PLEC: variants seen among roughly 807,000 people sequenced by gnomAD.
The protein encoded by PLEC is plectin, also known as hemidesmosomal protein 1.
In PLEC, 216 loss-of-function variants were observed where a neutral mutation model predicts 392.8. That is an observed-to-expected ratio of 0.55 (90% CI 0.49 to 0.62). The LOEUF (loss-of-function observed/expected upper bound fraction) is 0.62, where lower values mean the gene tolerates loss of function less well. PLEC is among the 20% of genes least tolerant of loss of function. PLEC has a pLI of 0.00. For synonymous variants in PLEC, 3,621 were observed against 2,980.6 expected (o/e 1.21, Z -7.00); for missense variants, 6,863 against 6,563.4 (o/e 1.05, Z -1.58).
Position 143,932,745 on chromosome 8 carries a change from G to C in PLEC, c.1738-33C>G, listed in dbSNP as rs1554718015. On this transcript the variant is annotated intron_variant, in intron 14 of 31. Coordinates refer to ENST00000345136, the MANE Select transcript of PLEC (RefSeq NM_201384.3). ...AGATGAGACGGTGAGGTCTGCAGTGGCTGGGCCCGGCCCACCCCCGCACTG... is the reference window on the plus strand; with the variant it reads ...AGATGAGACGGTGAGGTCTGCAGTGCCTGGGCCCGGCCCACCCCCGCACTG... 2.5e-6 allele frequency: 4 copies of C among 1,608,296 alleles called. No homozygotes were observed. In the East Asian group the frequency reaches 9.0e-5, roughly 36 times the overall value.
chr8:143,959,504 G>A (rs1383361751), intron 1 of PLEC, among the ~76,000 whole-genome samples: 21 of 152,352 alleles, frequency 1.4e-4, no homozygotes, highest in African/African-American at 4.3e-4. Context: ...CTAACCTGAC[G>A]CGGCCGCAGT....
rs782623935 is a variant in PLEC, at chr8:143,924,196, C to T, written c.5733G>A (p.Gly1911=). 16 of 1,598,986 alleles carry T rather than the reference C, an allele frequency of 1.0e-5. No individual in the cohort carries two copies. Among genetic ancestry groups the T allele is most frequent in the Non-Finnish European group, 1.4e-5 (16 of 1,179,558 alleles). ...GCTGCCTCAGCGTGTCCTCCACCAG[C>T]CCCTTCTGCCGCTCCAGCTCGCTGT... ...ASDSELERQK[G]LVEDTLRQRR... Residue 1911 remains glycine (G), a synonymous_variant, in exon 31 of 32, where the codon GGG becomes GGA. Transcript: ENST00000345136.
Position 143,921,927 on chromosome 8 carries a change from CA to C in PLEC, c.7893del (p.Asp2631GlufsTer34). 2 of 1,599,464 alleles carry C rather than the reference CA, an allele frequency of 1.3e-6. No individual in the cohort carries two copies. The highest frequency in any genetic ancestry group is 1.7e-6 in the Non-Finnish European group (2 of 1,179,800). On this transcript the variant is annotated frameshift_variant, in exon 32 of 32. Transcript: ENST00000345136. LOFTEE classifies it low-confidence loss of function (END_TRUNC). Reference sequence around the variant, plus strand: ...GCCTCTGCCGCGGGGCCATCAAGTGCATCCCGGCCATTGGGCAGGGTCTTTG... The same window carrying C: ...GCCTCTGCCGCGGGGCCATCAAGTGCTCCCGGCCATTGGGCAGGGTCTTTG... ...AATKTLPNGRDALDGPAAEAE... is the reference protein window; with the variant it reads ...AATKTLPNGRXALDGPAAEAE...
At chr8:143,958,550 C>A, upstream of PLEC, 1 of 390,334 alleles carries the variant, frequency 2.6e-6, no homozygotes, top group Non-Finnish European at 5.4e-6. This position sits in a 1 kb window ranked among gnomAD's most constrained non-coding sequence, Gnocchi z 4.9. Context: ...TGGCCACCAC[C>A]CTTTCACCTC....
In PLEC at chr8:143,924,759, G is replaced by A. The variant is rs2131422085; in HGVS notation, c.5170C>T (p.Gln1724Ter). The A allele has an allele frequency of 2.0e-6, 3 of 1,535,048 alleles. No individual in the cohort carries two copies. The highest frequency in any genetic ancestry group is 2.6e-6 in the Non-Finnish European group (3 of 1,146,380). The change falls in exon 31 of 32, where the codon CAG becomes TAG. Residue 1724 changes from glutamine to a stop codon, truncating the protein, a stop_gained. Transcript: ENST00000345136. LOFTEE classifies it high-confidence loss of function. ...AGCAGCTGCCGCTGCTGCTCCCCCT[G>A]CTCCGTCTCGGCCCGCAGCCGGATC... The part of the protein sequence containing the change: ...ELIRLRAETE[Q>*]GEQQRQLLEE...
rs201069314 is a variant in PLEC at position 143,917,346 on chromosome 8, G to A, written c.12475C>T (p.Arg4159Cys). 2.8e-4 allele frequency: 454 copies of A among 1,609,890 alleles called. 1 individual carries two copies. The highest frequency in any genetic ancestry group is 1.4e-3 in the Admixed American group (83 of 60,000). Residue 4159 changes from arginine to cysteine, a missense_variant, in exon 32 of 32, where the codon CGC becomes TGC. By Grantham distance (180) the Arg-to-Cys change is radical. Transcript: ENST00000345136. ...GTCTGGTGGTCAATCAGGCCCTTGC[G>A]GTAGGCCTCGTACACTGACATCTCC... ...GKEMSVYEAY[R>C]KGLIDHQTYL...
Position 143,939,367 on chromosome 8 carries a change from G to T in PLEC, c.95C>A (p.Ala32Asp). 6.2e-7 allele frequency: 1 copy of T among 1,612,466 alleles called. No homozygotes were observed. The highest frequency in any genetic ancestry group is 8.5e-7 in the Non-Finnish European group (1 of 1,179,708). ...CCTGCTACCTTTCTTGCCCTCAGAGGCCCTGAGCACAGCCAGGTACAGGTT... is the reference window on the plus strand; with the variant it reads ...CCTGCTACCTTTCTTGCCCTCAGAGTCCCTGAGCACAGCCAGGTACAGGTT... ...EDNLYLAVLR[A>D]SEGKKDERDR... is the part of the protein sequence containing the mutation. Residue 32 changes from alanine to aspartate, a missense_variant, in exon 1 of 32, where the codon GCC (alanine) becomes GAC (aspartate). Coordinates refer to ENST00000345136, the MANE Select transcript of PLEC (RefSeq NM_201384.3).
At chr8:143,942,370 C>T (rs782070053), upstream of PLEC, 1 of 1,600,302 alleles carries the variant, frequency 6.2e-7, no homozygotes, top group Admixed American at 1.7e-5. Context: ...TTCTGTGCCA[C>T]CGGCCACGCC....
intron 1 of PLEC, chr8:143,944,613 G>A: frequency 7.8e-7 from 1 of 1,281,464 alleles, no homozygotes; most frequent in Non-Finnish European, 1.0e-6. Context: ...CAAGGGGCCA[G>A]GATTTCACAA....
chr8:143,943,160 G>A (rs926490042), upstream of PLEC, among the ~76,000 whole-genome samples: 5 of 152,228 alleles, frequency 3.3e-5, no homozygotes, highest in Admixed American at 1.3e-4. Context: ...GCCAGGCAGC[G>A]CCCTCACTGC....
intron 25 of PLEC, 150 bp downstream of exon 25, chr8:143,928,953 C>T (rs1554710010): frequency 1.4e-6 from 1 of 708,592 alleles, no homozygotes. Context: ...ACCTCTGCGG[C>T]CACCACCCCA....
chr8:143,941,956 A>G (rs1830537393), upstream of PLEC, among the ~76,000 whole-genome samples: 1 of 152,108 alleles, frequency 6.6e-6, no homozygotes, highest in African/African-American at 2.4e-5. Flanking sequence ...TGTGGACCCT[A>G]TGGCTGAGGT....
chr8:143,953,690 GCGCC>G, upstream of PLEC: 1 of 1,599,448 alleles, frequency 6.3e-7, no homozygotes, highest in South Asian at 1.1e-5. Context: ...TGTGTGGTCC[GCGCC>G]CCCCGGCTCG....
chr8:143,946,418 C>T (rs556537705), intron 1 of PLEC: 51 of 1,285,894 alleles, frequency 4.0e-5, no homozygotes, highest in South Asian at 6.2e-5. Flanking sequence ...CAGGCTGCTC[C>T]GAGAGCCGGC....
rs530119507 is a variant in PLEC, at chr8:143,960,283, A to AAAT, written c.70+13117_70+13119dup. 2.5e-3 allele frequency among the ~76,000 whole-genome samples: 373 copies of AAAT among 150,892 alleles called. 5 individuals are homozygous for AAAT. Among genetic ancestry groups the AAAT allele is most frequent in the African/African-American group, 6.8e-3 (282 of 41,172 alleles). On this transcript the variant is annotated intron_variant, in intron 1 of 31. Transcript: ENST00000356346. ...GGCAACAAGAGCGAAACTCCGTCTC[A>AAAT]AATAATAATAATAATAATAATAAAA...
intron 19 of PLEC, among the ~76,000 whole-genome samples, chr8:143,931,223 G>GC (rs1554714822): frequency 6.6e-6 from 1 of 152,150 alleles, no homozygotes; most frequent in Non-Finnish European, 1.5e-5. Flanking sequence ...TGGAGATGGG[G>GC]GCGGCCCGGC....
At chr8:143,972,964 C>T (rs1021517755) in intron 1 of PLEC, among the ~76,000 whole-genome samples, 1 of 152,314 alleles carries the variant, frequency 6.6e-6, no homozygotes, top group Middle Eastern at 3.4e-3. Flanking sequence ...AGGCCCTCGC[C>T]AGTTTAGGGA....
Position 143,927,620 on chromosome 8 carries a change from G to A in PLEC, c.3546C>T (p.Ala1182=). The A allele has an allele frequency of 6.3e-7, 1 of 1,585,140 alleles. No individual in the cohort carries two copies. Among genetic ancestry groups the A allele is most frequent in the Non-Finnish European group, 8.5e-7 (1 of 1,170,898 alleles). ...VEVERWRERV[A]QLLERWQAVL... ...CAGCCTGCCAGCGCTCAAGCAACTG[G>A]GCGACCCGCTCCCGCCAGCGCTCCA... Residue 1182 remains alanine, a synonymous_variant, in exon 27 of 32, where the codon GCC becomes GCT. Transcript: ENST00000345136.
At position 143,935,213 on chromosome 8, in the gene PLEC, G is replaced by A. The variant is rs1418411797; in HGVS notation, c.703C>T (p.Leu235Phe). ...VAERDLGVTR[L>F]LDPEDVDVPQ... Reference sequence around the variant, plus strand: ...GCAGACGTACCCTCAGGGTCCAGGAGCCGCGTCACTCCCAGGTCCCGCTCC... The same window carrying A: ...GCAGACGTACCCTCAGGGTCCAGGAACCGCGTCACTCCCAGGTCCCGCTCC... Residue 235 changes from leucine to phenylalanine, a missense_variant, in exon 7 of 32, where the codon CTC (leucine) becomes TTC (phenylalanine). Coordinates refer to ENST00000345136, the MANE Select transcript of PLEC (RefSeq NM_201384.3). The A allele has an allele frequency of 6.2e-7, 1 of 1,612,532 alleles. No homozygotes were observed. Among genetic ancestry groups the A allele is most frequent in the Non-Finnish European group, 8.5e-7 (1 of 1,179,878 alleles).
Sources: gnomAD v4.1 joint callset for allele counts (sites outside exome capture counted in the v4.1 genomes callset) on GRCh38, gnomAD v4.1.1 for gene constraint, Gnocchi (gnomAD v3.1) non-coding constraint, MANE v1.5 for transcripts, NCBI Gene and HGNC (gene_info 2026-07-23, HGNC 2026-07-21) for gene names.